IRAK1BP1: variants seen among roughly 807,000 people sequenced by gnomAD.
The protein encoded by IRAK1BP1 is interleukin 1 receptor associated kinase 1 binding protein 1, also known as interleukin-1 receptor-associated kinase 1-binding protein 1.
IRAK1BP1 carries 24 observed loss-of-function variants against 28.0 expected under a neutral mutation model. The observed-to-expected ratio is 0.86, with a 90% CI of 0.62 to 1.20. The LOEUF (loss-of-function observed/expected upper bound fraction) is 1.20. IRAK1BP1 is among the 50% of genes most tolerant of loss of function. The pLI, the probability that IRAK1BP1 is intolerant of heterozygous loss-of-function variation, is 0.00. For missense variants in IRAK1BP1, 336 were observed against 316.7 expected, an observed-to-expected ratio of 1.06 and a Z score of -0.46; for synonymous variants, 131 against 116.3, an observed-to-expected ratio of 1.13 and a Z score of -0.81.
the IRAK1BP1 span, among the ~76,000 whole-genome samples, chr6:78,964,944 G>T: frequency 1.3e-5 from 2 of 152,058 alleles, no homozygotes; most frequent in Non-Finnish European, 1.5e-5. Context: ...CATGTGTGTT[G>T]TATTTTTTAC....
chr6:78,952,879 A>G, the IRAK1BP1 span, among the ~76,000 whole-genome samples: 2 of 151,968 alleles, frequency 1.3e-5, no homozygotes, highest in Non-Finnish European at 2.9e-5. Flanking sequence ...GGTGGTACAT[A>G]TAACAACAGT....
At chr6:78,951,064 A>T (rs1263458729), downstream of IRAK1BP1, among the ~76,000 whole-genome samples, 3 of 152,144 alleles carry the variant, frequency 2.0e-5, no homozygotes, top group Non-Finnish European at 4.4e-5. Flanking sequence ...AGTTCAATGC[A>T]TTTTTTAAAT....
intron 4 of IRAK1BP1, among the ~76,000 whole-genome samples, chr6:78,910,658 T>C (rs116983610): frequency 0.033 from 4,948 of 152,242 alleles, 119 homozygotes; most frequent in Non-Finnish European, 0.051. Flanking sequence ...GAGCCTTTCC[T>C]GGAGTGGCGG....
At chr6:78,913,204 A>G (rs1272616026) in intron 4 of IRAK1BP1, among the ~76,000 whole-genome samples, 1 of 151,966 alleles carries the variant, frequency 6.6e-6, no homozygotes, top group Non-Finnish European at 1.5e-5. Context: ...GCGTGGTGGC[A>G]TGCACCTGTA....
At chr6:78,898,034 T>C (rs747471075) in intron 3 of IRAK1BP1, 30 bp from the exon 4 acceptor site, 3 of 1,605,024 alleles carry the variant, frequency 1.9e-6, no homozygotes, top group Admixed American at 1.7e-5. Flanking sequence ...TTGAGTGTCA[T>C]ATTAATAATC....
downstream of IRAK1BP1, chr6:78,946,932 G>A: frequency 1.1e-6 from 1 of 931,748 alleles, no homozygotes; most frequent in Non-Finnish European, 1.6e-6. Flanking sequence ...CCTTTGTTCA[G>A]TAAATACTGT....
At chr6:78,915,442 A>T (rs988878836) in intron 4 of IRAK1BP1, among the ~76,000 whole-genome samples, 2 of 152,222 alleles carry the variant, frequency 1.3e-5, no homozygotes, top group African/African-American at 4.8e-5. Context: ...TTTCACCTGC[A>T]GGGAGTTTAT....
chr6:78,870,208 T>C (rs1473869200), intron 1 of IRAK1BP1, among the ~76,000 whole-genome samples: 1 of 148,820 alleles, frequency 6.7e-6, no homozygotes, highest in Non-Finnish European at 1.5e-5. Flanking sequence ...TCTTTAAGAA[T>C]TAGCCCAAGT....
chr6:78,974,521 A>C, the IRAK1BP1 span, among the ~76,000 whole-genome samples: 11,218 of 151,882 alleles, frequency 0.074, 524 homozygotes, highest in Middle Eastern at 0.13. Flanking sequence ...AGAAATAACT[A>C]AGATCAGAGC....
At chr6:78,912,631 T>G (rs1287962854) in intron 4 of IRAK1BP1, among the ~76,000 whole-genome samples, 1 of 152,138 alleles carries the variant, frequency 6.6e-6, no homozygotes, top group African/African-American at 2.4e-5. Context: ...GGTTTGTTCC[T>G]AATAGCAAAA....
At chr6:78,967,169 T>C in the IRAK1BP1 span, among the ~76,000 whole-genome samples, 5 of 152,124 alleles carry the variant, frequency 3.3e-5, no homozygotes, top group Admixed American at 6.6e-5. Context: ...AATTAAAAAT[T>C]AGAAAAACAA....
chr6:78,962,007 C>G, the IRAK1BP1 span, among the ~76,000 whole-genome samples: 2 of 152,022 alleles, frequency 1.3e-5, no homozygotes, highest in Admixed American at 1.3e-4. Context: ...CTGCCAAATT[C>G]TAGGGGTATT....
chr6:78,908,181 GC>G (rs998064113), intron 4 of IRAK1BP1, among the ~76,000 whole-genome samples: 1 of 151,652 alleles, frequency 6.6e-6, no homozygotes, highest in African/African-American at 2.4e-5. Context: ...CTCCCGAGTA[GC>G]TGGGAATACA....
intron 4 of IRAK1BP1, among the ~76,000 whole-genome samples, chr6:78,926,561 A>C (rs1772896760): frequency 6.6e-6 from 1 of 152,122 alleles, no homozygotes; most frequent in Non-Finnish European, 1.5e-5. Flanking sequence ...CCAAGTATAC[A>C]CTTTAAGGAA....
chr6:78,962,946 A>G, the IRAK1BP1 span: 9 of 630,914 alleles, frequency 1.4e-5, no homozygotes, highest in Admixed American at 1.4e-4. Flanking sequence ...TCCTGTGTTA[A>G]GACCACATTC....
intron 1 of IRAK1BP1, chr6:78,872,087 T>A (rs1480546643): frequency 1.4e-6 from 1 of 700,238 alleles, no homozygotes; most frequent in Non-Finnish European, 2.6e-6. Context: ...GGGAAATGAA[T>A]GGAAAGAGAC....
At chr6:78,893,648 G>C (rs1771765186) in intron 2 of IRAK1BP1, among the ~76,000 whole-genome samples, 1 of 152,038 alleles carries the variant, frequency 6.6e-6, no homozygotes, top group Admixed American at 6.6e-5. Context: ...GCTCACACCT[G>C]TAATCCCAGC....
At chr6:78,961,891 TAA>T in the IRAK1BP1 span, 1 of 1,062,962 alleles carries the variant, frequency 9.4e-7, no homozygotes, top group Non-Finnish European at 1.4e-6. Context: ...AATTAAGACT[TAA>T]AAAGTCCTAA....
chr6:78,872,245 T>A (rs1021246936), intron 1 of IRAK1BP1: 1 of 582,440 alleles, frequency 1.7e-6, no homozygotes, highest in Non-Finnish European at 3.1e-6. Context: ...TTTCCTTATC[T>A]GTCTTGCATC....
Sources: gnomAD v4.1 joint callset for allele counts (sites outside exome capture counted in the v4.1 genomes callset) on GRCh38, gnomAD v4.1.1 for gene constraint, MANE v1.5 for transcripts, NCBI Gene and HGNC (gene_info 2026-07-23, HGNC 2026-07-21) for gene names.